SFXN5: variants seen among roughly 807,000 people sequenced by gnomAD.
The protein encoded by SFXN5 is sideroflexin-5.
In SFXN5, 43 loss-of-function variants were observed where a neutral mutation model predicts 50.2. The ratio of observed to expected loss-of-function variants is 0.86; its 90% CI spans 0.67 to 1.11. The LOEUF (loss-of-function observed/expected upper bound fraction) is 1.11, where lower values mean the gene tolerates loss of function less well. Ranked by LOEUF, SFXN5 falls within the 50% of genes least tolerant of loss-of-function variation. The probability of loss-of-function intolerance (pLI) is 0.00; values close to 1 mark genes in which losing one functional copy is unlikely to be tolerated. For missense variants in SFXN5, 463 were observed against 454.1 expected, an observed-to-expected ratio of 1.02 and a Z score of -0.18; for synonymous variants, 203 against 185.8, an observed-to-expected ratio of 1.09 and a Z score of -0.75.
chr2:73,017,311 T>C (rs1474158514), intron 6 of SFXN5, among the ~76,000 whole-genome samples: 1 of 152,212 alleles, frequency 6.6e-6, no homozygotes, highest in East Asian at 1.9e-4. Context: ...ATCTTTTTAA[T>C]AGCTTTGACT....
intron 1 of SFXN5, among the ~76,000 whole-genome samples, chr2:73,060,925 T>C (rs1242642755): frequency 1.3e-5 from 2 of 151,794 alleles, no homozygotes; most frequent in South Asian, 4.2e-4. Flanking sequence ...ATGGTCTCGA[T>C]CTCCTGACCT....
rs372075902 is a variant in SFXN5, at chr2:73,022,585, A to C, written c.277-9T>G. 129 of 1,340,866 alleles carry C rather than the reference A, an allele frequency of 9.6e-5. No homozygotes were observed. The highest frequency in any genetic ancestry group is 1.2e-4 in the Non-Finnish European group (123 of 1,010,070). The allele number at this position is 1,340,866 out of a possible 1,614,324, so 83.1% of individuals were successfully genotyped here. A position where few individuals can be genotyped will look rare whatever the true frequency, so the allele number is the denominator to read the frequency against. The stretch of plus-strand genomic sequence containing the variant: ...TCCGGATGTAGAATAGCCTGGCAAA[A>C]GCAGGAACAGAGAATGGGGTGGGGA... On this transcript the variant is annotated splice_polypyrimidine_tract_variant and intron_variant, in intron 4 of 13. Transcript: ENST00000272433.
chr2:72,977,516 G>A (rs55801301), intron 10 of SFXN5, among the ~76,000 whole-genome samples: 9,369 of 152,202 alleles, frequency 0.062, 360 homozygotes, highest in East Asian at 0.15. Flanking sequence ...AAAATCTGCA[G>A]GAGTTCTTTA....
At chr2:72,966,727 C>T (rs1674458140) in intron 12 of SFXN5, among the ~76,000 whole-genome samples, 1 of 152,172 alleles carries the variant, frequency 6.6e-6, no homozygotes, top group African/African-American at 2.4e-5. Flanking sequence ...GCCCGCCTTT[C>T]CACAAAAATT....
chr2:73,071,250 C>A (rs1380991950), intron 1 of SFXN5: 4 of 254,356 alleles, frequency 1.6e-5, no homozygotes, highest in Non-Finnish European at 3.0e-5. Flanking sequence ...CCCGGGCGGG[C>A]AGCTGCACAA....
At chr2:72,970,780 C>T (rs907211679) in intron 11 of SFXN5, among the ~76,000 whole-genome samples, 3 of 151,986 alleles carry the variant, frequency 2.0e-5, no homozygotes, top group Non-Finnish European at 2.9e-5. Flanking sequence ...TTCTACCCCC[C>T]GGGTTCAAGC....
chr2:73,070,055 G>A (rs1416788599), intron 1 of SFXN5, among the ~76,000 whole-genome samples: 2 of 152,206 alleles, frequency 1.3e-5, no homozygotes, highest in Non-Finnish European at 2.9e-5. Flanking sequence ...GAGATGTGCA[G>A]GAGGAAGCCT....
intron 6 of SFXN5, among the ~76,000 whole-genome samples, chr2:73,016,284 A>C (rs1055538101): frequency 1.3e-5 from 2 of 152,220 alleles, no homozygotes; most frequent in African/African-American, 4.8e-5. Context: ...AAGTATTACA[A>C]ATAATCTAAT....
At chr2:72,993,873 C>T (rs58993488) in intron 9 of SFXN5, among the ~76,000 whole-genome samples, 44,481 of 151,998 alleles carry the variant, frequency 0.29, 7,330 homozygotes, top group East Asian at 0.49. Flanking sequence ...AAATATATGC[C>T]GCTGACTTGA....
At chr2:72,964,988 A>C (rs1674204083) in intron 12 of SFXN5, among the ~76,000 whole-genome samples, 1 of 152,198 alleles carries the variant, frequency 6.6e-6, no homozygotes, top group Non-Finnish European at 1.5e-5. Flanking sequence ...GTGCCCACGG[A>C]CCTAAGTGAG....
rs1360652199 is a variant in SFXN5, at chr2:73,052,365, T to TATGC, written c.171+6162_171+6163insGCAT. ...GTGTGTGTGTGTGTGTATGCGTGTG[T>TATGC]GTGTGTGTGTGTGTGTGTGTGTGTG... On this transcript the variant is annotated intron_variant, in intron 2 of 13. Coordinates refer to ENST00000272433, the MANE Select transcript of SFXN5 (RefSeq NM_144579.3). 4.1e-3 allele frequency among the ~76,000 whole-genome samples: 452 copies of TATGC among 110,068 alleles called. 3 individuals carry two copies. The highest frequency in any genetic ancestry group is 5.2e-3 in the African/African-American group (97 of 18,768). The allele number at this position is 110,068 out of a possible 152,430, so 72.2% of individuals were successfully genotyped here. A position where few individuals can be genotyped will look rare whatever the true frequency, so the allele number is the denominator to read the frequency against.
intron 2 of SFXN5, chr2:73,041,790 C>T (rs1679682674): frequency 1.5e-5 from 3 of 203,552 alleles, no homozygotes; most frequent in South Asian, 6.4e-5. Context: ...GCAGCCTCAA[C>T]ATCCCAGGCT....
Position 72,944,655 on chromosome 2 carries a change from T to A in SFXN5, c.*367A>T, listed in dbSNP as rs1252239469. ...GGTCAGCTGAAACTAAGGCTCAGAT[T>A]TGATTCTGATAAAAAATAAAAATAA... is the stretch of plus-strand genomic sequence containing the variant. On this transcript the variant is annotated 3_prime_UTR_variant, in exon 14 of 14. Transcript: ENST00000272433. The A allele has an allele frequency of 5.4e-6, 1 of 183,912 alleles. No individual in the cohort carries two copies. Among genetic ancestry groups the A allele is most frequent in the Non-Finnish European group, 1.1e-5 (1 of 87,598 alleles). The allele number at this position is 183,912 out of a possible 1,614,324, so 11.4% of individuals were successfully genotyped here.
At position 72,950,661 on chromosome 2, in the gene SFXN5, T is replaced by G. The variant is rs1672431647; in HGVS notation, c.946-5562A>C. ...TCTCTGAGGTAAGTGTGGGGCCAAG[T>G]TTTCTCCAAGGGAACCACATCTAGG... On this transcript the variant is annotated intron_variant, in intron 13 of 13. Transcript: ENST00000272433. The surrounding 1 kb of genome is among the most constrained non-coding windows in gnomAD (Gnocchi z 4.2). Among the ~76,000 whole-genome samples the G allele has an allele frequency of 6.6e-6, 1 of 152,236 alleles. No homozygotes were observed. Among genetic ancestry groups the G allele is most frequent in the Admixed American group, 6.5e-5 (1 of 15,290 alleles).
In SFXN5 at chr2:73,019,968, T is replaced by C. The variant is rs1487173300; in HGVS notation, c.357+271A>G. On this transcript the variant is annotated intron_variant, in intron 6 of 13. Coordinates refer to ENST00000272433, the MANE Select transcript of SFXN5 (RefSeq NM_144579.3). Reference sequence around the variant, plus strand: ...CTTCCCTATGACTAGCAGGTGCTAATGACAACAGTGGGGACAGAAAACGTG... The same window carrying C: ...CTTCCCTATGACTAGCAGGTGCTAACGACAACAGTGGGGACAGAAAACGTG... 22 of 373,836 alleles carry C rather than the reference T, an allele frequency of 5.9e-5. No individual in the cohort carries two copies. The East Asian group carries it at 1.1e-3, about 19-fold the overall frequency. 23.2% of individuals were successfully genotyped at this position (373,836 alleles called of 1,614,324 possible). A position where few individuals can be genotyped will look rare whatever the true frequency, so the allele number is the denominator to read the frequency against.
intron 3 of SFXN5, among the ~76,000 whole-genome samples, chr2:73,030,547 A>G (rs1320099072): frequency 6.6e-6 from 1 of 152,090 alleles, no homozygotes; most frequent in East Asian, 1.9e-4. Flanking sequence ...ATTTGGCATT[A>G]AGTACATTCA....
intron 8 of SFXN5, among the ~76,000 whole-genome samples, chr2:72,999,364 AAGGGGGCC>A: frequency 6.6e-6 from 1 of 151,920 alleles, no homozygotes; most frequent in Non-Finnish European, 1.5e-5. Flanking sequence ...TAAATGTTTC[AAGGGGGCC>A]ATTTGGCATC....
chr2:72,998,133 G>A (rs1468456412), intron 9 of SFXN5: 1 of 152,132 alleles, frequency 6.6e-6, no homozygotes, highest in Non-Finnish European at 1.5e-5. Flanking sequence ...TTGTGTAATG[G>A]ATGAAATGAC....
In SFXN5 at chr2:73,047,249, T is replaced by C. The variant is rs1324737937; in HGVS notation, c.172-6318A>G. 2.1e-4 allele frequency among the ~76,000 whole-genome samples: 4 copies of C among 19,314 alleles called. 1 individual carries two copies. The highest frequency in any genetic ancestry group is 5.2e-4 in the African/African-American group (4 of 7,704). 12.7% of individuals were successfully genotyped at this position (19,314 alleles called of 152,430 possible). On this transcript the variant is annotated intron_variant, in intron 2 of 13. Transcript: ENST00000272433. ...AAAAAAAAAAAAAAAAAAAAAAATA[T>C]ATATATATATATATATATATATATA...
Sources: gnomAD v4.1 joint callset for allele counts (sites outside exome capture counted in the v4.1 genomes callset) on GRCh38, gnomAD v4.1.1 for gene constraint, Gnocchi (gnomAD v3.1) non-coding constraint, MANE v1.5 for transcripts, NCBI Gene and HGNC (gene_info 2026-07-23, HGNC 2026-07-21) for gene names.